Variants in SLC9A1 observed in about 807,000 individuals in gnomAD.
The protein encoded by SLC9A1 is sodium/hydrogen exchanger 1.
Under a neutral mutation model 67.9 loss-of-function variants are expected in SLC9A1, and 22 were observed. The observed-to-expected ratio is 0.32, with a 90% CI of 0.23 to 0.46. The LOEUF is 0.46. Ranked by LOEUF, SLC9A1 falls within the 20% of genes least tolerant of loss-of-function variation. The probability of loss-of-function intolerance (pLI) is 1.00; values close to 1 mark genes in which losing one functional copy is unlikely to be tolerated. For missense variants in SLC9A1, 686 were observed against 1,094.8 expected (o/e 0.63, Z 5.27); for synonymous variants, 421 against 471.8 (o/e 0.89, Z 1.40).
chr1:27,104,512 C>T (rs1352621945), intron 5 of SLC9A1, among the ~76,000 whole-genome samples: 1 of 152,168 alleles, frequency 6.6e-6, no homozygotes, highest in Non-Finnish European at 1.5e-5. Flanking sequence ...CTCAGCTTCT[C>T]AAGTACCTGG....
intron 1 of SLC9A1, among the ~76,000 whole-genome samples, chr1:27,139,442 C>T (rs1228690557): frequency 6.6e-6 from 1 of 152,208 alleles, no homozygotes. Context: ...TACCATGACT[C>T]GCACCCTTCG....
chr1:27,102,457 T>C lies in SLC9A1; in HGVS notation c.1748A>G (p.Lys583Arg). Reference protein sequence around the residue: ...LIAFYHKMEMKQAIELVESGG... With the variant: ...LIAFYHKMEMRQAIELVESGG... ...GCTCTCCACCAGCTCGATGGCCTGCTTCATCTCCATCTTGTGGTAGAAGGC... is the reference window on the plus strand; with the variant it reads ...GCTCTCCACCAGCTCGATGGCCTGCCTCATCTCCATCTTGTGGTAGAAGGC... The change falls in exon 8 of 12, where the codon AAG (lysine) becomes AGG (arginine). Residue 583 changes from lysine to arginine, a missense_variant. Coordinates refer to ENST00000263980, the MANE Select transcript of SLC9A1 (RefSeq NM_003047.5). 6.2e-7 allele frequency: 1 copy of C among 1,611,356 alleles called. No individual in the cohort carries two copies. The highest frequency in any genetic ancestry group is 8.5e-7 in the Non-Finnish European group (1 of 1,178,212).
In SLC9A1 at chr1:27,154,196, G is replaced by C; in HGVS notation, c.139C>G (p.Arg47Gly). 2 of 1,614,096 alleles carry C rather than the reference G, an allele frequency of 1.2e-6. No homozygotes were observed. The highest frequency in any genetic ancestry group is 1.7e-6 in the Non-Finnish European group (2 of 1,180,014). The change falls in exon 1 of 12, where the codon CGA becomes GGA. Residue 47 changes from arginine to glycine, a missense_variant. Physicochemically the swap from Arg to Gly is moderately radical, Grantham distance 125 (BLOSUM62 -2). This residue lies in a region of SLC9A1 where 143 missense variants were observed against 166.7 expected (regional missense o/e 0.86). Transcript: ENST00000263980. ...CGTTCTCGTGGTGGCTCTGAGCTTCGAATGGTGCTGGCAGTTGGGCTGAGC... is the reference window on the plus strand; with the variant it reads ...CGTTCTCGTGGTGGCTCTGAGCTTCCAATGGTGCTGGCAGTTGGGCTGAGC... Reference protein sequence around the residue: ...LQLSPTASTIRSSEPPRERSI... With the variant: ...LQLSPTASTIGSSEPPRERSI...
At chr1:27,115,749 A>G (rs2083268463) in intron 1 of SLC9A1, among the ~76,000 whole-genome samples, 2 of 151,840 alleles carry the variant, frequency 1.3e-5, no homozygotes, top group Admixed American at 6.6e-5. Context: ...AAAAAAAAAG[A>G]AAGAAGAAAG....
intron 1 of SLC9A1, among the ~76,000 whole-genome samples, chr1:27,130,806 T>C (rs572446123): frequency 7.2e-5 from 11 of 152,328 alleles, no homozygotes; most frequent in African/African-American, 2.6e-4. Flanking sequence ...AGCCAAGCTC[T>C]GCCCTCAAGC....
rs752154321 is a variant in SLC9A1, at chr1:27,100,679, G to C, written c.2111-35C>G. On this transcript the variant is annotated intron_variant, in intron 11 of 11. Transcript: ENST00000263980. The surrounding 1 kb of genome is among the most constrained non-coding windows in gnomAD (Gnocchi z 5.6). ...AAGAGCAAGGCACAAGCTGGGTTCC[G>C]CTCTGGAGCCCGGCCCAGCACGTGC... 9 of 1,540,636 alleles carry C rather than the reference G, an allele frequency of 5.8e-6. No homozygotes were observed. Among genetic ancestry groups the C allele is most frequent in the East Asian group, 4.5e-5 (2 of 44,386 alleles).
chr1:27,135,963 A>C (rs2083418009), intron 1 of SLC9A1, among the ~76,000 whole-genome samples: 1 of 152,234 alleles, frequency 6.6e-6, no homozygotes, highest in Admixed American at 6.5e-5. Flanking sequence ...GAAAAATGAC[A>C]CAGGTCAGAT....
In SLC9A1 at chr1:27,101,423, C is replaced by T; in HGVS notation, c.2038-148G>A. On this transcript the variant is annotated intron_variant, in intron 10 of 11. Coordinates refer to ENST00000263980, the MANE Select transcript of SLC9A1 (RefSeq NM_003047.5). The surrounding 1 kb of genome is among the most constrained non-coding windows in gnomAD (Gnocchi z 4.9). ...TGCCTGTGTGGGCACCCGTACTGGC[C>T]CCTCAGGAGCTCCTAAGGGCTCATC... The T allele has an allele frequency of 4.5e-6, 3 of 659,460 alleles. No individual in the cohort carries two copies. The highest frequency in any genetic ancestry group is 8.0e-6 in the Non-Finnish European group (3 of 373,226). The allele number at this position is 659,460 out of a possible 1,614,324, so 40.9% of individuals were successfully genotyped here.
chr1:27,108,062 ATTTTTTTTTTTTT>A (rs1026584834), intron 3 of SLC9A1, among the ~76,000 whole-genome samples, 197 bp from the exon 4 acceptor site: 3 of 108,916 alleles, frequency 2.8e-5, no homozygotes, highest in Middle Eastern at 6.2e-3. Flanking sequence ...GTATTCCTCC[ATTTTTTTTTTTTT>A]TTTTTTTTTT....
At chr1:27,131,077 C>T (rs1299759203) in intron 1 of SLC9A1, among the ~76,000 whole-genome samples, 8 of 152,242 alleles carry the variant, frequency 5.3e-5, no homozygotes, top group Non-Finnish European at 7.3e-5. Flanking sequence ...CGTGTGATCC[C>T]ACACATGGCA....
In SLC9A1 at chr1:27,107,633, A is replaced by G. The variant is rs2083197818; in HGVS notation, c.1282+15T>C. ...CACACCACAACCCCCACCCCGCCCC[A>G]GCCCTGGCCCTCACCCAGCACGCGG... On this transcript the variant is annotated intron_variant, in intron 4 of 11. Transcript: ENST00000263980. The G allele has an allele frequency of 3.3e-6, 4 of 1,202,548 alleles. No individual in the cohort carries two copies. Among genetic ancestry groups the G allele is most frequent in the Non-Finnish European group, 4.6e-6 (4 of 868,704 alleles). 74.5% of individuals were successfully genotyped at this position (1,202,548 alleles called of 1,614,324 possible). A position where few individuals can be genotyped will look rare whatever the true frequency, so the allele number is the denominator to read the frequency against.
At chr1:27,122,379 G>T (rs2083309965) in intron 1 of SLC9A1, among the ~76,000 whole-genome samples, 1 of 152,174 alleles carries the variant, frequency 6.6e-6, no homozygotes, top group Non-Finnish European at 1.5e-5. Context: ...AAAGGTGGGT[G>T]ACTAAAGGGG....
chr1:27,109,598 C>A lies in SLC9A1; in HGVS notation c.993G>T (p.Pro331=). 1 of 1,613,884 alleles carries A rather than the reference C, an allele frequency of 6.2e-7. No individual in the cohort carries two copies. Among genetic ancestry groups the A allele is most frequent in the Non-Finnish European group, 8.5e-7 (1 of 1,179,996 alleles). ...RFTSHIRVIE[P]LFVFLYSYMA... is the part of the protein sequence containing the mutation. ...TGTAGCTGTAGAGGAAGACGAAGAG[C>A]GGCTCGATGACCCGGATGTGGGAGG... The change falls in exon 3 of 12, where the codon CCG becomes CCT. Residue 331 remains proline, a synonymous_variant. Coordinates refer to ENST00000263980, the MANE Select transcript of SLC9A1 (RefSeq NM_003047.5). The surrounding 1 kb of genome is among the most constrained non-coding windows in gnomAD (Gnocchi z 5.5).
chr1:27,121,895 G>C (rs1190842493), intron 1 of SLC9A1, among the ~76,000 whole-genome samples: 2 of 152,124 alleles, frequency 1.3e-5, no homozygotes, highest in African/African-American at 2.4e-5. Context: ...GGCCGAGGTG[G>C]GTGGATCACC....
At chr1:27,134,610 C>A (rs1174651766) in intron 1 of SLC9A1, among the ~76,000 whole-genome samples, 1 of 152,142 alleles carries the variant, frequency 6.6e-6, no homozygotes, top group Non-Finnish European at 1.5e-5. Context: ...TGAACGGCCG[C>A]AAGTGACTGG....
At chr1:27,135,525 GAAAAAAAA>G (rs36107223) in intron 1 of SLC9A1, among the ~76,000 whole-genome samples, 7 of 110,052 alleles carry the variant, frequency 6.4e-5, no homozygotes, top group African/African-American at 2.4e-4. Context: ...CTTTTTTCTG[GAAAAAAAA>G]AAAAAAAAAA....
At chr1:27,143,046 T>TAAAAAAAAAAAAAAAAAAAA (rs55970751) in intron 1 of SLC9A1, among the ~76,000 whole-genome samples, 1 of 98,462 alleles carries the variant, frequency 1.0e-5, no homozygotes. Flanking sequence ...ATCAACTGTG[T>TAAAAAAAAAAAAAAAAAAAA]AAAAAAAAAA....
intron 3 of SLC9A1, among the ~76,000 whole-genome samples, chr1:27,108,113 C>T (rs1392512772): frequency 1.4e-5 from 2 of 146,478 alleles, no homozygotes; most frequent in Non-Finnish European, 3.0e-5. Flanking sequence ...GTCACCCAGG[C>T]TGGAGAGCAG....
intron 1 of SLC9A1, among the ~76,000 whole-genome samples, chr1:27,133,135 T>G (rs1285721271): frequency 1.3e-5 from 2 of 151,914 alleles, no homozygotes; most frequent in Non-Finnish European, 2.9e-5. Context: ...TGGTGTGATC[T>G]CAGCTCACTG....
Sources: gnomAD v4.1 joint callset for allele counts (sites outside exome capture counted in the v4.1 genomes callset) on GRCh38, gnomAD v4.1.1 for gene constraint, gnomAD v4.1.1 regional missense constraint, Gnocchi (gnomAD v3.1) non-coding constraint, MANE v1.5 for transcripts, NCBI Gene and HGNC (gene_info 2026-07-23, HGNC 2026-07-21) for gene names.